KCNH5: variants seen among roughly 807,000 people sequenced by gnomAD.
KCNH5 encodes the protein potassium voltage-gated channel subfamily H member 5, also known as voltage-gated delayed rectifier potassium channel KCNH5.
A neutral mutation model predicts 96.1 loss-of-function variants in KCNH5; 46 were observed. That is an observed-to-expected ratio of 0.48 (90% CI 0.38 to 0.61). The LOEUF (loss-of-function observed/expected upper bound fraction) is 0.61. Among genes scored for constraint, KCNH5 ranks in the 20% least tolerant of loss-of-function variants. KCNH5 has a pLI of 0.00. For missense variants in KCNH5, 907 were observed against 1,225.8 expected, an observed-to-expected ratio of 0.74 and a Z score of 3.88; for synonymous variants, 439 against 449.8, an observed-to-expected ratio of 0.98 and a Z score of 0.30.
At chr14:62,869,324 A>C (rs1265210462) in intron 7 of KCNH5, among the ~76,000 whole-genome samples, 2 of 151,178 alleles carry the variant, frequency 1.3e-5, no homozygotes, top group Non-Finnish European at 2.9e-5. Context: ...TTGGCCATAT[A>C]AATGTCTTCT....
intron 8 of KCNH5, among the ~76,000 whole-genome samples, chr14:62,840,850 G>A (rs1424430218): frequency 6.6e-6 from 1 of 151,992 alleles, no homozygotes; most frequent in Non-Finnish European, 1.5e-5. Context: ...ACAGGCATGA[G>A]CTGCCACACC....
chr14:62,876,802 T>C (rs1234897401), intron 7 of KCNH5, among the ~76,000 whole-genome samples: 2 of 152,136 alleles, frequency 1.3e-5, no homozygotes, highest in Admixed American at 6.5e-5. Flanking sequence ...TTTGCTGAAG[T>C]ATGAATAATT....
chr14:62,766,704 C>T (rs1206901758), intron 10 of KCNH5, among the ~76,000 whole-genome samples: 49 of 151,774 alleles, frequency 3.2e-4, no homozygotes, highest in Admixed American at 3.2e-3. Flanking sequence ...GGGCCTGGGT[C>T]GGGGTACTTG....
chr14:62,707,702 T>G lies in KCNH5; in HGVS notation c.2773A>C (p.Ser925Arg). The part of the protein sequence containing the change: ...HELKEDIQLL[S>R]CRMTALEKQV... Reference sequence around the variant, plus strand: ...TTTTCTAGGGCAGTCATTCTGCAGCTGAGCAGCTGGATGTCCTCTTTGAGT... The same window carrying G: ...TTTTCTAGGGCAGTCATTCTGCAGCGGAGCAGCTGGATGTCCTCTTTGAGT... Residue 925 changes from serine (S) to arginine (R), a missense_variant, in exon 11 of 11, where the codon AGC (serine) becomes CGC (arginine). Ser to Arg is a moderately radical substitution (Grantham distance 110). Around this residue, in one of 6 missense-constraint regions of KCNH5, gnomAD observed 362 missense variants for 394.4 expected, o/e 0.92. Transcript: ENST00000322893. 6.2e-7 allele frequency: 1 copy of G among 1,600,228 alleles called. No individual in the cohort carries two copies. The highest frequency in any genetic ancestry group is 8.6e-7 in the Non-Finnish European group (1 of 1,168,816).
chr14:63,040,400 A>G (rs1481272342), intron 1 of KCNH5, among the ~76,000 whole-genome samples: 3 of 152,230 alleles, frequency 2.0e-5, no homozygotes, highest in Admixed American at 6.5e-5. Context: ...AATCTAATGC[A>G]AGGGACAATC....
At chr14:62,791,151 A>T (rs996523556) in intron 9 of KCNH5, among the ~76,000 whole-genome samples, 2 of 151,732 alleles carry the variant, frequency 1.3e-5, no homozygotes, top group African/African-American at 4.8e-5. Context: ...CTTCAACTGG[A>T]AATGAAAGGA....
chr14:62,904,347 G>C (rs1473094148), intron 7 of KCNH5, among the ~76,000 whole-genome samples: 2 of 152,152 alleles, frequency 1.3e-5, no homozygotes, highest in Non-Finnish European at 1.5e-5. Flanking sequence ...TCACTTGTAT[G>C]CTACTATGAC....
intron 8 of KCNH5, among the ~76,000 whole-genome samples, chr14:62,837,088 G>C (rs538832288): frequency 1.3e-5 from 2 of 152,264 alleles, no homozygotes. Context: ...GAAGTGCTTA[G>C]AGATGGGCAC....
At chr14:62,917,818 C>T (rs1008096134) in intron 7 of KCNH5, among the ~76,000 whole-genome samples, 1 of 152,124 alleles carries the variant, frequency 6.6e-6, no homozygotes, top group Non-Finnish European at 1.5e-5. Flanking sequence ...CTTTTAACAT[C>T]TAATTGATTT....
At chr14:62,782,272 G>T (rs764035152) in intron 9 of KCNH5, among the ~76,000 whole-genome samples, 7 of 152,170 alleles carry the variant, frequency 4.6e-5, no homozygotes, top group Non-Finnish European at 1.0e-4. Flanking sequence ...GAGAAACATA[G>T]GGCTTGATTT....
At chr14:62,992,531 T>C (rs138607003) in intron 4 of KCNH5, among the ~76,000 whole-genome samples, 1 of 152,186 alleles carries the variant, frequency 6.6e-6, no homozygotes, top group African/African-American at 2.4e-5. Flanking sequence ...TGTTGTGAGA[T>C]GGTATCTCAT....
chr14:62,753,246 T>C (rs537066648), intron 10 of KCNH5, among the ~76,000 whole-genome samples: 1 of 152,250 alleles, frequency 6.6e-6, no homozygotes, highest in East Asian at 1.9e-4. Flanking sequence ...ATAGCAGAAT[T>C]GATCAAGCAT....
chr14:62,877,353 T>C lies in KCNH5; in HGVS notation c.1370-27501A>G, dbSNP rs1398438479. Among the ~76,000 whole-genome samples, 19 of 151,600 alleles carry C rather than the reference T, an allele frequency of 1.3e-4. 1 individual carries two copies. Among genetic ancestry groups the C allele is most frequent in the Admixed American group, 4.6e-4 (7 of 15,232 alleles). Reference sequence around the variant, plus strand: ...GACAAAATTGACAAATGGGATCTAATTAAACTAAAGAGCTTCTGCACAGCA... The same window carrying C: ...GACAAAATTGACAAATGGGATCTAACTAAACTAAAGAGCTTCTGCACAGCA... On this transcript the variant is annotated intron_variant, in intron 7 of 10. Transcript: ENST00000322893.
intron 4 of KCNH5, among the ~76,000 whole-genome samples, chr14:62,993,651 T>A (rs1890854291): frequency 6.6e-6 from 1 of 152,090 alleles, no homozygotes. Flanking sequence ...TTACCTATTA[T>A]TACCTATATT....
intron 10 of KCNH5, among the ~76,000 whole-genome samples, chr14:62,734,801 G>A (rs147073696): frequency 6.6e-6 from 1 of 152,186 alleles, no homozygotes; most frequent in East Asian, 1.9e-4. Context: ...ACAGTAACTT[G>A]AATCATAGCC....
chr14:62,801,377 A>T (rs1234057372), intron 9 of KCNH5, among the ~76,000 whole-genome samples: 23 of 24,854 alleles, frequency 9.3e-4, no homozygotes, highest in Admixed American at 6.3e-3. Flanking sequence ...TTTACCTGGT[A>T]AAAAAAAAAA....
chr14:62,855,136 C>T (rs1887903710), intron 7 of KCNH5, among the ~76,000 whole-genome samples: 1 of 151,872 alleles, frequency 6.6e-6, no homozygotes, highest in Non-Finnish European at 1.5e-5. Flanking sequence ...GAGAGGCCCA[C>T]ATAGAGAAGA....
intron 8 of KCNH5, among the ~76,000 whole-genome samples, chr14:62,846,885 C>G (rs1297205106): frequency 7.1e-5 from 10 of 140,852 alleles, no homozygotes; most frequent in Non-Finnish European, 1.2e-4. Flanking sequence ...ACTGCAAGCT[C>G]CGCCTCCCGG....
At chr14:62,911,120 T>C (rs1299524752) in intron 7 of KCNH5, among the ~76,000 whole-genome samples, 1 of 152,058 alleles carries the variant, frequency 6.6e-6, no homozygotes, top group Non-Finnish European at 1.5e-5. Flanking sequence ...TACTCTAAAA[T>C]AGTATATACT....
Sources: allele counts gnomAD v4.1 joint callset (sites outside exome capture counted in the v4.1 genomes callset), GRCh38; gene constraint gnomAD v4.1.1; regional missense constraint gnomAD v4.1.1; transcripts MANE v1.5; gene names NCBI Gene and HGNC (gene_info 2026-07-23, HGNC 2026-07-21).